STON1: variants seen among roughly 807,000 people sequenced by gnomAD.
STON1 encodes the protein stonin 1, also known as stonin-1.
A neutral mutation model predicts 60.9 loss-of-function variants in STON1; 79 were observed. The observed-to-expected ratio is 1.30, with a 90% CI of 1.08 to 1.56. STON1 has a LOEUF of 1.56. Ranked by LOEUF, STON1 falls within the 40% of genes most tolerant of loss-of-function variation. The pLI, the probability that STON1 is intolerant of heterozygous loss-of-function variation, is 0.00. For synonymous variants in STON1, 363 were observed against 306.9 expected (o/e 1.18, Z -1.91); for missense variants, 1,166 against 858.9 (o/e 1.36, Z -4.47).
At chr2:48,586,120 C>G (rs1475488923) in intron 2 of STON1, among the ~76,000 whole-genome samples, 1 of 152,224 alleles carries the variant, frequency 6.6e-6, no homozygotes, top group African/African-American at 2.4e-5. Flanking sequence ...AAACTGAGAA[C>G]CCATACCAAT....
At chr2:48,585,153 G>T (rs1482098605) in intron 2 of STON1, among the ~76,000 whole-genome samples, 1 of 152,158 alleles carries the variant, frequency 6.6e-6, no homozygotes, top group Admixed American at 6.5e-5. Flanking sequence ...ACAGTAAATG[G>T]TCTCAAACAG....
chr2:48,560,347 C>T (rs1288004705), intron 1 of STON1, among the ~76,000 whole-genome samples: 1 of 152,206 alleles, frequency 6.6e-6, no homozygotes, highest in African/African-American at 2.4e-5. Context: ...AATCAAAATT[C>T]AGGCATCACC....
intron 1 of STON1, among the ~76,000 whole-genome samples, chr2:48,579,837 GCTAT>G (rs1253873742): frequency 6.6e-6 from 1 of 152,068 alleles, no homozygotes; most frequent in African/African-American, 2.4e-5. Context: ...TTAGTGGGTG[GCTAT>G]CTATTTCTCT....
At chr2:48,552,738 C>T (rs773545212) in intron 1 of STON1, among the ~76,000 whole-genome samples, 1 of 152,074 alleles carries the variant, frequency 6.6e-6, no homozygotes, top group African/African-American at 2.4e-5. Context: ...CCACTGCACT[C>T]CAGCCTGGGC....
At chr2:48,557,909 A>T (rs924440615) in intron 1 of STON1, among the ~76,000 whole-genome samples, 1 of 152,218 alleles carries the variant, frequency 6.6e-6, no homozygotes, top group African/African-American at 2.4e-5. Flanking sequence ...ACTGCTTTGT[A>T]TATAGGACCT....
Position 48,582,358 on chromosome 2 carries a change from A to C in STON1, c.1725A>C (p.Pro575=). The change falls in exon 2 of 4, where the codon CCA becomes CCC. Residue 575 remains proline (P), a synonymous_variant. Transcript: ENST00000404752. Reference sequence around the variant, plus strand: ...ATATAAGGATACACTTTCCTGTCCCATCGCAGTGGATCAAGGCCCTTTGGA... The same window carrying C: ...ATATAAGGATACACTTTCCTGTCCCCTCGCAGTGGATCAAGGCCCTTTGGA... ...CDNIRIHFPV[P]SQWIKALWTM... 6.2e-7 allele frequency: 1 copy of C among 1,614,192 alleles called. No individual in the cohort carries two copies. Among genetic ancestry groups the C allele is most frequent in the South Asian group, 1.1e-5 (1 of 91,082 alleles).
intron 1 of STON1, among the ~76,000 whole-genome samples, chr2:48,575,480 C>T (rs1018983716): frequency 6.6e-6 from 1 of 151,724 alleles, no homozygotes; most frequent in Admixed American, 6.6e-5. Flanking sequence ...ATGGAGAAAC[C>T]CCATCTCTAC....
intron 1 of STON1, among the ~76,000 whole-genome samples, chr2:48,562,473 C>T (rs573244676): frequency 6.6e-6 from 1 of 152,300 alleles, no homozygotes; most frequent in East Asian, 1.9e-4. Context: ...GTTTAAAGTG[C>T]CTACTATGCA....
rs1674744645 is a variant in STON1 at position 48,595,384 on chromosome 2, T to A, written c.*82T>A. On this transcript the variant is annotated 3_prime_UTR_variant, in exon 4 of 4. Coordinates refer to ENST00000404752, the MANE Select transcript of STON1 (RefSeq NM_006873.4). ...CACACCAAGTCCTGCTACTGTAGAGTGGAAATGACTTCTGAATAGCGGTTT... is the reference window on the plus strand; with the variant it reads ...CACACCAAGTCCTGCTACTGTAGAGAGGAAATGACTTCTGAATAGCGGTTT... 1 of 1,253,138 alleles carries A rather than the reference T, an allele frequency of 8.0e-7. No individual in the cohort carries two copies. Among genetic ancestry groups the A allele is most frequent in the Non-Finnish European group, 1.2e-6 (1 of 867,274 alleles). 77.6% of individuals were successfully genotyped at this position (1,253,138 alleles called of 1,614,324 possible). A position where few individuals can be genotyped will look rare whatever the true frequency, so the allele number is the denominator to read the frequency against.
intron 1 of STON1, among the ~76,000 whole-genome samples, chr2:48,548,593 A>C (rs1371703286): frequency 6.7e-6 from 1 of 150,244 alleles, no homozygotes; most frequent in Non-Finnish European, 1.5e-5. Flanking sequence ...CCACCTCCCG[A>C]GTTCAAGTGA....
At chr2:48,568,855 C>T (rs1673060495) in intron 1 of STON1, among the ~76,000 whole-genome samples, 2 of 152,288 alleles carry the variant, frequency 1.3e-5, no homozygotes, top group Admixed American at 6.5e-5. Context: ...GCTCTTCTCA[C>T]GTGAGAACAG....
chr2:48,575,759 GTT>G (rs535300380), intron 1 of STON1, among the ~76,000 whole-genome samples: 24 of 111,800 alleles, frequency 2.1e-4, no homozygotes, highest in Middle Eastern at 4.9e-3. Context: ...GTTTTTGTTT[GTT>G]TTTTTTTTTT....
At chr2:48,574,183 T>C (rs4953594) in intron 1 of STON1, among the ~76,000 whole-genome samples, 150,528 of 152,188 alleles carry the variant, frequency 0.99, 74,454 homozygotes, top group East Asian at 1. Flanking sequence ...TGAGACCAGC[T>C]TGGCCAACAT....
rs1161253782 is a variant in STON1, at chr2:48,580,574, A to AT, written c.-47-6dup. 5.9e-5 allele frequency: 78 copies of AT among 1,319,388 alleles called. No individual in the cohort carries two copies. Among genetic ancestry groups the AT allele is most frequent in the South Asian group, 1.2e-4 (4 of 32,354 alleles). 81.7% of individuals were successfully genotyped at this position (1,319,388 alleles called of 1,614,324 possible). A position where few individuals can be genotyped will look rare whatever the true frequency, so the allele number is the denominator to read the frequency against. On this transcript the variant is annotated splice_polypyrimidine_tract_variant and intron_variant, in intron 1 of 3. Coordinates refer to ENST00000404752, the MANE Select transcript of STON1 (RefSeq NM_006873.4). ...TATATACCTATTTTCTCTTTATTTT[A>AT]TTTTTTTAACAGAGTCAACCTATTT... is the stretch of plus-strand genomic sequence containing the variant.
At chr2:48,576,787 G>C (rs1673532094) in intron 1 of STON1, among the ~76,000 whole-genome samples, 1 of 152,068 alleles carries the variant, frequency 6.6e-6, no homozygotes, top group Non-Finnish European at 1.5e-5. Context: ...CGGGCGCGGT[G>C]GCTCACGCCT....
rs1201944252 is a variant in STON1 at position 48,598,145 on chromosome 2, G to T, written c.*2843G>T. On this transcript the variant is annotated 3_prime_UTR_variant, in exon 4 of 4. Transcript: ENST00000404752. ...AATTCATGGGTAGATGATTTGTGCA[G>T]ATCTGAATTTAAGAACATTTCCTTT... is the stretch of plus-strand genomic sequence containing the variant. 1 of 152,128 alleles carries T rather than the reference G, an allele frequency of 6.6e-6. No homozygotes were observed. Among genetic ancestry groups the T allele is most frequent in the Non-Finnish European group, 1.5e-5 (1 of 68,030 alleles). 9.4% of individuals were successfully genotyped at this position (152,128 alleles called of 1,614,324 possible).
In STON1 at chr2:48,545,473, C is replaced by T. The variant is rs969579492; in HGVS notation, c.-48+15257C>T. Among the ~76,000 whole-genome samples, 9 of 152,192 alleles carry T rather than the reference C, an allele frequency of 5.9e-5. No individual in the cohort carries two copies. The South Asian group carries it at 6.2e-4, about 11-fold the overall frequency. Reference sequence around the variant, plus strand: ...CCCTGCTACAAACTCCTGCCCCTAGCGGCTGGCTTGCTGTCTGTCTAACCA... The same window carrying T: ...CCCTGCTACAAACTCCTGCCCCTAGTGGCTGGCTTGCTGTCTGTCTAACCA... On this transcript the variant is annotated intron_variant, in intron 1 of 3. Transcript: ENST00000404752.
intron 1 of STON1, among the ~76,000 whole-genome samples, chr2:48,540,989 C>G (rs1343748722): frequency 6.6e-6 from 1 of 152,114 alleles, no homozygotes; most frequent in Admixed American, 6.5e-5. Context: ...ATATTTCTAC[C>G]CAATCCGTCA....
intron 1 of STON1, among the ~76,000 whole-genome samples, chr2:48,563,222 G>GT (rs750304955): frequency 2.0e-5 from 3 of 152,228 alleles, no homozygotes; most frequent in Non-Finnish European, 4.4e-5. Context: ...GGGCCTATGG[G>GT]TGGGAGGCTT....
Sources: gnomAD v4.1 joint callset for allele counts (sites outside exome capture counted in the v4.1 genomes callset) on GRCh38, gnomAD v4.1.1 for gene constraint, MANE v1.5 for transcripts, NCBI Gene and HGNC (gene_info 2026-07-23, HGNC 2026-07-21) for gene names.